CSMD1: variants seen among roughly 807,000 people sequenced by gnomAD.
The protein encoded by CSMD1 is CUB and sushi domain-containing protein 1.
A neutral mutation model predicts 417.5 loss-of-function variants in CSMD1; 213 were observed. The ratio of observed to expected loss-of-function variants is 0.51; its 90% CI spans 0.46 to 0.57. The LOEUF is 0.57. Ranked by LOEUF, CSMD1 falls within the 20% of genes least tolerant of loss-of-function variation. The pLI is 0.00. For missense variants in CSMD1, 6,923 were observed against 4,529.7 expected (o/e 1.53, Z -15.17); for synonymous variants, 2,862 against 1,736.8 (o/e 1.65, Z -16.11).
intron 3 of CSMD1, among the ~76,000 whole-genome samples, chr8:4,098,224 G>C (rs537378547): frequency 2.6e-5 from 4 of 152,184 alleles, no homozygotes; most frequent in East Asian, 3.9e-4. Context: ...ACTTTGAATA[G>C]AATCTAATTA....
intron 4 of CSMD1, 146 bp downstream of exon 4, chr8:4,031,759 T>C: frequency 3.6e-6 from 2 of 549,436 alleles, no homozygotes; most frequent in South Asian, 3.7e-5. Flanking sequence ...ACATGTAATA[T>C]TGCTTTCAGG....
At chr8:3,430,632 C>G (rs575016928) in intron 12 of CSMD1, among the ~76,000 whole-genome samples, 1 of 152,064 alleles carries the variant, frequency 6.6e-6, no homozygotes, top group Non-Finnish European at 1.5e-5. Flanking sequence ...AATGGTGAAA[C>G]CACATCTCCA....
At chr8:3,942,623 C>G (rs899534743) in intron 5 of CSMD1, among the ~76,000 whole-genome samples, 6 of 152,176 alleles carry the variant, frequency 3.9e-5, no homozygotes, top group Admixed American at 3.9e-4. Flanking sequence ...TCCGGCCATT[C>G]TACTTACTGG....
At chr8:3,452,785 T>C (rs940965108) in intron 12 of CSMD1, among the ~76,000 whole-genome samples, 3 of 152,140 alleles carry the variant, frequency 2.0e-5, no homozygotes, top group Admixed American at 6.5e-5. Flanking sequence ...TCTCTTTTTT[T>C]GTTGTGTCTC....
intron 3 of CSMD1, among the ~76,000 whole-genome samples, chr8:4,063,079 G>A (rs750350285): frequency 1.3e-5 from 2 of 152,174 alleles, no homozygotes; most frequent in East Asian, 1.9e-4. Context: ...GAAGAAAAAC[G>A]TTCTAATGTT....
chr8:3,770,448 G>A (rs1333503991), intron 5 of CSMD1, among the ~76,000 whole-genome samples: 1 of 152,100 alleles, frequency 6.6e-6, no homozygotes, highest in Non-Finnish European at 1.5e-5. Context: ...AGATTCTCTT[G>A]AACCCAAGAG....
chr8:3,819,856 T>G (rs1368666700), intron 5 of CSMD1, among the ~76,000 whole-genome samples: 1 of 152,098 alleles, frequency 6.6e-6, no homozygotes, highest in East Asian at 1.9e-4. Context: ...GAAAGTGATT[T>G]TGCAAGGGGT....
intron 1 of CSMD1, among the ~76,000 whole-genome samples, chr8:4,831,066 C>A (rs774274759): frequency 6.6e-6 from 1 of 152,136 alleles, no homozygotes; most frequent in Non-Finnish European, 1.5e-5. Context: ...TCCAACCATG[C>A]GAACTCAAAG....
intron 41 of CSMD1, among the ~76,000 whole-genome samples, chr8:3,131,135 C>G (rs1163981493): frequency 6.6e-6 from 1 of 152,046 alleles, no homozygotes; most frequent in African/African-American, 2.4e-5. Context: ...GGAAACCAGC[C>G]ATTTTAAAAT....
At chr8:3,202,158 ACT>A (rs1286756895) in intron 31 of CSMD1, among the ~76,000 whole-genome samples, 9 of 151,948 alleles carry the variant, frequency 5.9e-5, no homozygotes, top group Non-Finnish European at 1.3e-4. Flanking sequence ...ACAGAGTGAG[ACT>A]CTGTCTCAAG....
intron 26 of CSMD1, among the ~76,000 whole-genome samples, chr8:3,268,706 G>A (rs1351807366): frequency 6.6e-6 from 1 of 152,146 alleles, no homozygotes; most frequent in Non-Finnish European, 1.5e-5. Flanking sequence ...TGAATTAAAT[G>A]TGGACCATTT....
chr8:3,968,104 G>T (rs1337058297), intron 5 of CSMD1, among the ~76,000 whole-genome samples: 1 of 151,512 alleles, frequency 6.6e-6, no homozygotes, highest in Admixed American at 6.6e-5. Flanking sequence ...GGAGAATGGC[G>T]TGAACCCGGG....
At chr8:4,437,443 C>G (rs983195399) in intron 2 of CSMD1, among the ~76,000 whole-genome samples, 4 of 152,156 alleles carry the variant, frequency 2.6e-5, no homozygotes, top group Admixed American at 1.3e-4. Context: ...TCCGTAAAAT[C>G]AGAAACATTC....
At chr8:3,913,668 C>T (rs936731512) in intron 5 of CSMD1, among the ~76,000 whole-genome samples, 14 of 152,126 alleles carry the variant, frequency 9.2e-5, no homozygotes, top group East Asian at 5.8e-4. Flanking sequence ...TCAGGGCCAT[C>T]GAAATATCAA....
chr8:4,315,349 C>G (rs553696085), intron 3 of CSMD1, among the ~76,000 whole-genome samples: 334 of 152,256 alleles, frequency 2.2e-3, no homozygotes, highest in African/African-American at 7.2e-3. Context: ...GCACTGTGAG[C>G]CCCAGGTGGC....
At chr8:4,987,305 T>A (rs6999675) in intron 1 of CSMD1, among the ~76,000 whole-genome samples, 6,636 of 152,312 alleles carry the variant, frequency 0.044, 194 homozygotes, top group South Asian at 0.068. Context: ...GTTCAAAAAC[T>A]GTGTGTCATG....
At chr8:3,962,427 C>T (rs1310638704) in intron 5 of CSMD1, among the ~76,000 whole-genome samples, 2 of 152,198 alleles carry the variant, frequency 1.3e-5, no homozygotes, top group Admixed American at 6.5e-5. Context: ...CCACCCTCAC[C>T]TCTCAGCTGG....
chr8:4,473,291 A>G (rs185404100), intron 2 of CSMD1, among the ~76,000 whole-genome samples: 33 of 152,338 alleles, frequency 2.2e-4, no homozygotes, highest in African/African-American at 7.5e-4. Flanking sequence ...GAAATATGAC[A>G]ATCAATGTGA....
chr8:4,656,081 A>T (rs768026082), intron 1 of CSMD1, among the ~76,000 whole-genome samples: 3 of 152,090 alleles, frequency 2.0e-5, no homozygotes, highest in Non-Finnish European at 4.4e-5. Context: ...CAGTAATGGG[A>T]AAGACAATGC....
Sources: allele counts gnomAD v4.1 joint callset (sites outside exome capture counted in the v4.1 genomes callset), GRCh38; gene constraint gnomAD v4.1.1; transcripts MANE v1.5; gene names NCBI Gene and HGNC (gene_info 2026-07-23, HGNC 2026-07-21).